The following LRFN5 variants were observed in gnomAD, a reference collection of about 807,000 sequenced individuals.
LRFN5 encodes the protein leucine rich repeat and fibronectin type III domain containing 5.
A neutral mutation model predicts 45.6 loss-of-function variants in LRFN5; 24 were observed. The observed-to-expected ratio is 0.53, with a 90% confidence interval of 0.38 to 0.74. The LOEUF (loss-of-function observed/expected upper bound fraction) is 0.74, where lower values mean the gene tolerates loss of function less well. Ranked by LOEUF, LRFN5 falls within the 30% of genes least tolerant of loss-of-function variation. The probability of loss-of-function intolerance (pLI) is 0.00; values close to 1 mark genes in which losing one functional copy is unlikely to be tolerated. For missense variants in LRFN5, 776 were observed against 861.5 expected (o/e 0.90, Z 1.24); for synonymous variants, 340 against 313.8 (o/e 1.08, Z -0.88).
intron 1 of LRFN5, among the ~76,000 whole-genome samples, chr14:41,679,656 A>G (rs1881795480): frequency 6.6e-6 from 1 of 152,100 alleles, no homozygotes; most frequent in African/African-American, 2.4e-5. Context: ...AGGATGTGCT[A>G]GCTTCAGGTG....
At chr14:41,892,079 C>G in intron 4 of LRFN5, 117 bp downstream of exon 4, 1 of 1,468,788 alleles carries the variant, frequency 6.8e-7, no homozygotes, top group South Asian at 1.4e-5. Flanking sequence ...TGGACTGTTT[C>G]CTAAAAGAAG....
chr14:41,626,458 T>C (rs1406701616), intron 1 of LRFN5, among the ~76,000 whole-genome samples: 1 of 152,058 alleles, frequency 6.6e-6, no homozygotes, highest in Non-Finnish European at 1.5e-5. Flanking sequence ...AAAATACTAA[T>C]TTTTTGGGAG....
At chr14:41,789,790 G>A (rs1197647814) in intron 2 of LRFN5, among the ~76,000 whole-genome samples, 2 of 151,858 alleles carry the variant, frequency 1.3e-5, no homozygotes, top group Non-Finnish European at 2.9e-5. Context: ...ATTTTATAAT[G>A]TTTAACTAGC....
intron 2 of LRFN5, among the ~76,000 whole-genome samples, chr14:41,773,433 T>C (rs2138897383): frequency 6.6e-6 from 1 of 152,304 alleles, no homozygotes; most frequent in Non-Finnish European, 1.5e-5. Flanking sequence ...ATTAATATTG[T>C]CCTCTCCTCC....
chr14:41,682,877 A>T (rs548243176), intron 1 of LRFN5, among the ~76,000 whole-genome samples: 74 of 152,278 alleles, frequency 4.9e-4, no homozygotes, highest in African/African-American at 1.7e-3. Context: ...TTTCCCAGAC[A>T]TTTAAAGAAG....
intron 1 of LRFN5, among the ~76,000 whole-genome samples, chr14:41,615,257 T>C (rs534611011): frequency 2.0e-5 from 3 of 152,236 alleles, no homozygotes; most frequent in South Asian, 2.1e-4. Flanking sequence ...TATATAGATG[T>C]ATTATAATTT....
intron 1 of LRFN5, among the ~76,000 whole-genome samples, chr14:41,610,661 TAAAAAAA>T (rs199770856): frequency 0.15 from 5,511 of 37,466 alleles, 496 homozygotes; most frequent in East Asian, 0.45. Context: ...CCAGGGAAGG[TAAAAAAA>T]AAAAAAAAAA....
At chr14:41,645,461 G>A (rs1289296919) in intron 1 of LRFN5, among the ~76,000 whole-genome samples, 1 of 152,102 alleles carries the variant, frequency 6.6e-6, no homozygotes, top group Non-Finnish European at 1.5e-5. Context: ...TTTCCAGCCA[G>A]CAATTATTTT....
At chr14:41,785,770 A>G (rs758546766) in intron 2 of LRFN5, among the ~76,000 whole-genome samples, 2 of 152,160 alleles carry the variant, frequency 1.3e-5, no homozygotes, top group Non-Finnish European at 1.5e-5. Flanking sequence ...GGAGACAGTG[A>G]CAGATCATCA....
chr14:41,870,284 G>C (rs1261025431), intron 2 of LRFN5, among the ~76,000 whole-genome samples: 1 of 152,090 alleles, frequency 6.6e-6, no homozygotes, highest in Admixed American at 6.6e-5. Flanking sequence ...TCTAACTTCA[G>C]GAAAAATACC....
intron 1 of LRFN5, among the ~76,000 whole-genome samples, chr14:41,743,824 CAT>C (rs1296659459): frequency 2.0e-5 from 3 of 152,032 alleles, no homozygotes; most frequent in Non-Finnish European, 2.9e-5. Context: ...GTGAATTAAA[CAT>C]AAATTAATAA....
chr14:41,696,474 A>C (rs985184305), intron 1 of LRFN5, among the ~76,000 whole-genome samples: 15 of 150,584 alleles, frequency 1.0e-4, no homozygotes, highest in African/African-American at 3.7e-4. Flanking sequence ...ATGCGGCATT[A>C]TTGTCTAAGT....
chr14:41,745,594 T>G (rs1195523691), intron 1 of LRFN5, among the ~76,000 whole-genome samples: 2 of 151,908 alleles, frequency 1.3e-5, no homozygotes, highest in East Asian at 3.8e-4. Context: ...AATTAAAAAT[T>G]GGTTCTTTGA....
chr14:41,835,808 A>T (rs991383857), intron 2 of LRFN5, among the ~76,000 whole-genome samples: 3 of 152,170 alleles, frequency 2.0e-5, no homozygotes, highest in African/African-American at 7.2e-5. Context: ...TGCAGATAAA[A>T]ATCTTTGGAG....
At chr14:41,674,427 G>A (rs1881472345) in intron 1 of LRFN5, among the ~76,000 whole-genome samples, 1 of 115,992 alleles carries the variant, frequency 8.6e-6, no homozygotes, top group Non-Finnish European at 1.8e-5. Flanking sequence ...GGGCAGAGGA[G>A]CTCCTCACTT....
At chr14:41,762,408 T>C (rs1885710402) in intron 1 of LRFN5, among the ~76,000 whole-genome samples, 1 of 152,182 alleles carries the variant, frequency 6.6e-6, no homozygotes, top group Admixed American at 6.5e-5. Flanking sequence ...TGGATGTGTG[T>C]AATAATTTGT....
At chr14:41,759,464 C>CT (rs1202986043) in intron 1 of LRFN5, among the ~76,000 whole-genome samples, 3 of 65,408 alleles carry the variant, frequency 4.6e-5, no homozygotes, top group African/African-American at 2.3e-4. Flanking sequence ...CACACACACA[C>CT]ACACACACAC....
At chr14:41,779,786 T>C (rs1886418577) in intron 2 of LRFN5, among the ~76,000 whole-genome samples, 1 of 151,946 alleles carries the variant, frequency 6.6e-6, no homozygotes, top group Non-Finnish European at 1.5e-5. Flanking sequence ...TTTATGGTCA[T>C]TCAAATGTAC....
chr14:41,698,155 A>T (rs1200909147), intron 1 of LRFN5, among the ~76,000 whole-genome samples: 3 of 152,048 alleles, frequency 2.0e-5, no homozygotes, highest in African/African-American at 7.2e-5. Context: ...ACAAATTCCT[A>T]TAAAAATATA....
Sources: gnomAD v4.1 joint callset for allele counts (sites outside exome capture counted in the v4.1 genomes callset) on GRCh38, gnomAD v4.1.1 for gene constraint, MANE v1.5 for transcripts, NCBI Gene and HGNC (gene_info 2026-07-23, HGNC 2026-07-21) for gene names.